MAVS: variants seen among roughly 807,000 people sequenced by gnomAD.
MAVS encodes the protein mitochondrial antiviral-signaling protein.
In MAVS, 20 loss-of-function variants were observed where a neutral mutation model predicts 30.2. The observed-to-expected ratio is 0.66, with a 90% CI of 0.47 to 0.96. The LOEUF (loss-of-function observed/expected upper bound fraction) is 0.96. MAVS is among the 40% of genes least tolerant of loss of function. The pLI is 0.00. For missense variants in MAVS, 624 were observed against 701.1 expected, an observed-to-expected ratio of 0.89 and a Z score of 1.24; for synonymous variants, 278 against 293.9, an observed-to-expected ratio of 0.95 and a Z score of 0.55.
At chr20:3,855,506 C>T (rs1028311766) in intron 2 of MAVS, among the ~76,000 whole-genome samples, 6 of 152,160 alleles carry the variant, frequency 3.9e-5, no homozygotes, top group African/African-American at 1.4e-4. Flanking sequence ...AGGCCCCTGG[C>T]ACTCACTAGC....
intron 2 of MAVS, among the ~76,000 whole-genome samples, chr20:3,855,706 C>T (rs2089803468): frequency 6.6e-6 from 1 of 152,096 alleles, no homozygotes; most frequent in Admixed American, 6.6e-5. Context: ...TTTGCTCCTC[C>T]CTCTTGTATT....
At chr20:3,848,223 T>C (rs1044504527) in intron 1 of MAVS, among the ~76,000 whole-genome samples, 2 of 152,020 alleles carry the variant, frequency 1.3e-5, no homozygotes, top group Non-Finnish European at 2.9e-5. Context: ...CTCAGCCTCC[T>C]GAGTAGCTGG....
rs751178383 is a variant in MAVS at position 3,874,086 on chromosome 20, C to T, written c.*7939C>T. ...AGGGTCGAATACTACTGCACAGCAACGAATATGAATGAAAATATCGCTATG... is the reference window on the plus strand; with the variant it reads ...AGGGTCGAATACTACTGCACAGCAATGAATATGAATGAAAATATCGCTATG... On this transcript the variant is annotated 3_prime_UTR_variant, in exon 7 of 7. Coordinates refer to ENST00000428216, the MANE Select transcript of MAVS (RefSeq NM_020746.5). 7.0e-5 allele frequency: 28 copies of T among 398,428 alleles called. No homozygotes were observed. The highest frequency in any genetic ancestry group is 1.0e-4 in the African/African-American group (5 of 48,582). The allele number at this position is 398,428 out of a possible 1,614,324, so 24.7% of individuals were successfully genotyped here.
chr20:3,854,290 G>C (rs1426817404), intron 1 of MAVS, among the ~76,000 whole-genome samples: 2 of 151,456 alleles, frequency 1.3e-5, no homozygotes, highest in Non-Finnish European at 2.9e-5. Flanking sequence ...GCATGGTGGT[G>C]CGCACCTGTA....
intron 2 of MAVS, among the ~76,000 whole-genome samples, chr20:3,856,900 GTGGTGGGCTCC>G (rs1299796581): frequency 1.3e-5 from 2 of 152,124 alleles, no homozygotes; most frequent in East Asian, 3.9e-4. Context: ...GCCGGGTGTG[GTGGTGGGCTCC>G]TGTAATCCCA....
rs144529366 is a variant in MAVS, at chr20:3,857,763, T to G, written c.246T>G (p.Val82=). ...CGGCACTGAGGGGCTGTGAGCTAGT[T>G]GATCTCGCGGACGAAGTGGCCTCTG... is the stretch of plus-strand genomic sequence containing the variant. ...FIAALRGCEL[V]DLADEVASVY... The change falls in exon 3 of 7, where the codon GTT becomes GTG. Residue 82 remains valine (V), a synonymous_variant. Transcript: ENST00000428216. 5.7e-5 allele frequency: 92 copies of G among 1,614,096 alleles called. No homozygotes were observed. In the African/African-American group the frequency reaches 1.1e-3, roughly 20 times the overall value.
rs933476238 is a variant in MAVS at position 3,869,521 on chromosome 20, T to C, written c.*3374T>C. On this transcript the variant is annotated 3_prime_UTR_variant, in exon 7 of 7. Coordinates refer to ENST00000428216, the MANE Select transcript of MAVS (RefSeq NM_020746.5). ...AGGTCATGCTGTTATGTTGCCCAGG[T>C]TGGCCTCATGAGATCTTGCCTTAGC... The C allele has an allele frequency of 6.6e-6, 1 of 152,124 alleles. No homozygotes were observed. The highest frequency in any genetic ancestry group is 2.4e-5 in the African/African-American group (1 of 41,428). The allele number at this position is 152,124 out of a possible 1,614,324, so 9.4% of individuals were successfully genotyped here.
At chr20:3,862,187 G>A (rs2089871884) in intron 4 of MAVS, 67 bp from the exon 5 acceptor site, 3 of 1,560,868 alleles carry the variant, frequency 1.9e-6, no homozygotes, top group East Asian at 2.3e-5. Context: ...TGCCCCAAGA[G>A]CACAAGCTGC....
In MAVS at chr20:3,870,936, A is replaced by C. The variant is rs1318796657; in HGVS notation, c.*4789A>C. ...TGCTCTGTTGCCCAGGCTGGAGTGC[A>C]GTGGTGCAACTTCGGCTCACTGCAA... On this transcript the variant is annotated 3_prime_UTR_variant, in exon 7 of 7. Coordinates refer to ENST00000428216, the MANE Select transcript of MAVS (RefSeq NM_020746.5). The C allele has an allele frequency of 6.6e-6, 1 of 152,146 alleles. No individual in the cohort carries two copies. The highest frequency in any genetic ancestry group is 1.5e-5 in the Non-Finnish European group (1 of 68,120). 9.4% of individuals were successfully genotyped at this position (152,146 alleles called of 1,614,324 possible).
rs34419413 is a variant in MAVS at position 3,870,953 on chromosome 20, T to G, written c.*4806T>G. On this transcript the variant is annotated 3_prime_UTR_variant, in exon 7 of 7. Coordinates refer to ENST00000428216, the MANE Select transcript of MAVS (RefSeq NM_020746.5). ...TGGAGTGCAGTGGTGCAACTTCGGC[T>G]CACTGCAACCTCCGCCTCCCAGGTT... is the stretch of plus-strand genomic sequence containing the variant. The G allele has an allele frequency of 0.12, 18,218 of 152,242 alleles. 1,365 individuals carry two copies. The highest frequency in any genetic ancestry group is 0.17 in the Non-Finnish European group (11,552 of 68,092). The allele number at this position is 152,242 out of a possible 1,614,324, so 9.4% of individuals were successfully genotyped here.
At position 3,868,938 on chromosome 20, in the gene MAVS, T is replaced by C. The variant is rs1290390388; in HGVS notation, c.*2791T>C. ...TAACCAGCCATGATGGGAGATACCC[T>C]GGGTAAGGCATGTAGAAAGGGTTGA... On this transcript the variant is annotated 3_prime_UTR_variant, in exon 7 of 7. Coordinates refer to ENST00000428216, the MANE Select transcript of MAVS (RefSeq NM_020746.5). 6.6e-6 allele frequency: 1 copy of C among 152,290 alleles called. No individual in the cohort carries two copies. Among genetic ancestry groups the C allele is most frequent in the Non-Finnish European group, 1.5e-5 (1 of 68,030 alleles). The allele number at this position is 152,290 out of a possible 1,614,324, so 9.4% of individuals were successfully genotyped here.
chr20:3,851,380 C>T (rs1336788303), intron 1 of MAVS, among the ~76,000 whole-genome samples: 3 of 150,642 alleles, frequency 2.0e-5, no homozygotes, highest in East Asian at 3.9e-4. Context: ...ATGGTGGGCA[C>T]GTGTAATCCC....
In MAVS at chr20:3,872,026, GGGAT is replaced by G. The variant is rs2089959413; in HGVS notation, c.*5881_*5884del. The G allele has an allele frequency of 6.6e-6, 1 of 152,338 alleles. No individual in the cohort carries two copies. The highest frequency in any genetic ancestry group is 2.4e-5 in the African/African-American group (1 of 41,448). 9.4% of individuals were successfully genotyped at this position (152,338 alleles called of 1,614,324 possible). A position where few individuals can be genotyped will look rare whatever the true frequency, so the allele number is the denominator to read the frequency against. ...TGACAGCTGGTTTGCAAGATTAGGA[GGGAT>G]GAAGGACCCAGGGGACAATGCGAGG... On this transcript the variant is annotated 3_prime_UTR_variant, in exon 7 of 7. Coordinates refer to ENST00000428216, the MANE Select transcript of MAVS (RefSeq NM_020746.5).
intron 3 of MAVS, 144 bp downstream of exon 3, chr20:3,857,953 C>G (rs2089827353): frequency 1.1e-6 from 1 of 895,254 alleles, no homozygotes; most frequent in African/African-American, 1.7e-5. Flanking sequence ...GGGTGTAGAT[C>G]CAGGCTGAGC....
At chr20:3,859,702 C>T (rs958009322) in intron 3 of MAVS, among the ~76,000 whole-genome samples, 13 of 152,036 alleles carry the variant, frequency 8.6e-5, no homozygotes, top group Admixed American at 3.9e-4. Flanking sequence ...ACTGCTGACA[C>T]GGCGTGGGTG....
At position 3,864,158 on chromosome 20, in the gene MAVS, A is replaced by T. The variant is rs115779120; in HGVS notation, c.626-98A>T. 8.6e-4 allele frequency: 1,140 copies of T among 1,329,450 alleles called. 7 individuals carry two copies. The African/African-American group carries it at 0.015, about 18-fold the overall frequency. The allele number at this position is 1,329,450 out of a possible 1,614,324, so 82.4% of individuals were successfully genotyped here. On this transcript the variant is annotated intron_variant, in intron 5 of 6. Transcript: ENST00000428216. ...GCAGGAGATTTGGAGGCCTAGACAC[A>T]GTAGGGACCATGAGATCTGGGCCAG...
chr20:3,852,436 T>C (rs1442926119), intron 1 of MAVS, among the ~76,000 whole-genome samples: 1 of 152,192 alleles, frequency 6.6e-6, no homozygotes, highest in Non-Finnish European at 1.5e-5. Context: ...ATTATTATCA[T>C]GTTGGGGTTC....
At chr20:3,856,751 G>T (rs1222709742) in intron 2 of MAVS, among the ~76,000 whole-genome samples, 1 of 151,978 alleles carries the variant, frequency 6.6e-6, no homozygotes, top group Non-Finnish European at 1.5e-5. Flanking sequence ...AAAAACTCTA[G>T]GGCTGGGCAC....
chr20:3,848,611 T>G (rs192417739), intron 1 of MAVS, among the ~76,000 whole-genome samples: 1 of 152,308 alleles, frequency 6.6e-6, no homozygotes, highest in Admixed American at 6.5e-5. Flanking sequence ...GAAGGTCTGG[T>G]GGCCCAACAG....
Sources: gnomAD v4.1 joint callset for allele counts (sites outside exome capture counted in the v4.1 genomes callset) on GRCh38, gnomAD v4.1.1 for gene constraint, MANE v1.5 for transcripts, NCBI Gene and HGNC (gene_info 2026-07-23, HGNC 2026-07-21) for gene names.